Variants in POPDC1 observed in about 807,000 individuals in gnomAD.
POPDC1 encodes popeye domain-containing protein 1.
chr6:105,099,971 G>A, the POPDC1 span: 1 of 152,192 alleles, frequency 6.6e-6, no homozygotes, highest in African/African-American at 2.4e-5. Context: ...AGGAAGTTGA[G>A]TTTAGCTGGA....
At chr6:105,100,473 A>ACTG in the POPDC1 span, 1 of 151,444 alleles carries the variant, frequency 6.6e-6, no homozygotes, top group Admixed American at 6.6e-5. Context: ...ATGTGCCACT[A>ACTG]CACTCCAGCC....
the POPDC1 span, chr6:105,116,750 T>A: frequency 6.2e-7 from 1 of 1,610,904 alleles, no homozygotes; most frequent in Non-Finnish European, 8.5e-7. Flanking sequence ...ATTTGTGATG[T>A]CTTTTCCAAT....
the POPDC1 span, chr6:105,125,545 G>T: frequency 3.7e-6 from 6 of 1,613,800 alleles, no homozygotes; most frequent in Admixed American, 3.3e-5. Flanking sequence ...AACAATCGCC[G>T]GTACATGCCA....
chr6:105,125,379 C>T, the POPDC1 span: 2 of 1,613,552 alleles, frequency 1.2e-6, no homozygotes, highest in Admixed American at 1.7e-5. Flanking sequence ...TTGATTTCCA[C>T]AGAACACTTA....
At chr6:105,100,310 C>T in the POPDC1 span, 1 of 151,608 alleles carries the variant, frequency 6.6e-6, no homozygotes, top group African/African-American at 2.4e-5. Flanking sequence ...GAGATCGAGA[C>T]CATCCTGGCT....
the POPDC1 span, chr6:105,098,349 A>T: frequency 1.3e-5 from 2 of 152,360 alleles, no homozygotes; most frequent in African/African-American, 4.8e-5. Context: ...GTTTAAAAAT[A>T]GTCTCACGTT....
the POPDC1 span, chr6:105,116,729 G>T: frequency 1.2e-6 from 2 of 1,606,498 alleles, no homozygotes; most frequent in East Asian, 4.5e-5. Flanking sequence ...ATCATTCAAT[G>T]AGTAGAGCTT....
chr6:105,100,336 C>G, the POPDC1 span: 1 of 151,554 alleles, frequency 6.6e-6, no homozygotes, highest in Non-Finnish European at 1.5e-5. Flanking sequence ...AGTGAAACCC[C>G]ATCTCTACTA....
At chr6:105,132,183 CT>C in the POPDC1 span, among the ~76,000 whole-genome samples, 1 of 152,160 alleles carries the variant, frequency 6.6e-6, no homozygotes, top group Non-Finnish European at 1.5e-5. Context: ...CCAAGCTGGT[CT>C]CGAACTCCTG....
chr6:105,125,594 G>T, the POPDC1 span: 4 of 1,612,252 alleles, frequency 2.5e-6, no homozygotes, highest in South Asian at 3.3e-5. Flanking sequence ...ATGCAGCAAT[G>T]ACTAGATGCT....
chr6:105,101,694 A>T, the POPDC1 span, among the ~76,000 whole-genome samples: 2 of 152,184 alleles, frequency 1.3e-5, no homozygotes, highest in African/African-American at 4.8e-5. Context: ...CATGGAGTCC[A>T]GCCACCCACT....
chr6:105,124,733 T>A, the POPDC1 span: 1 of 1,056,890 alleles, frequency 9.5e-7, no homozygotes, highest in Non-Finnish European at 1.4e-6. Context: ...TATCATCTTA[T>A]GCGATTTTAT....
chr6:105,134,433 C>G, the POPDC1 span, among the ~76,000 whole-genome samples: 1 of 152,118 alleles, frequency 6.6e-6, no homozygotes, highest in Non-Finnish European at 1.5e-5. Context: ...AAAAAACACT[C>G]TATTATTAAT....
the POPDC1 span, among the ~76,000 whole-genome samples, chr6:105,124,258 T>C: frequency 6.6e-6 from 1 of 152,086 alleles, no homozygotes; most frequent in Admixed American, 6.6e-5. Context: ...GGCAGGCACC[T>C]GTAGTCCCAG....
the POPDC1 span, among the ~76,000 whole-genome samples, chr6:105,112,677 A>G: frequency 6.6e-6 from 1 of 152,216 alleles, no homozygotes; most frequent in Non-Finnish European, 1.5e-5. Context: ...AGGAGATGAC[A>G]GGTTTCCCCA....
the POPDC1 span, chr6:105,100,949 C>A: frequency 2.0e-6 from 2 of 983,000 alleles, no homozygotes; most frequent in Non-Finnish European, 2.9e-6. Context: ...CATCCTTGAC[C>A]CTTCCTCACT....
the POPDC1 span, chr6:105,101,170 C>A: frequency 1.2e-6 from 2 of 1,613,502 alleles, no homozygotes; most frequent in Non-Finnish European, 8.5e-7. Context: ...CTTCTTCTAT[C>A]GGTTTCATCT....
chr6:105,115,663 G>GT, the POPDC1 span: 7 of 1,613,418 alleles, frequency 4.3e-6, no homozygotes, highest in African/African-American at 9.3e-5. Context: ...CTCTGGAGTA[G>GT]TATCAGTTTT....
At chr6:105,117,877 C>A in the POPDC1 span, among the ~76,000 whole-genome samples, 1 of 152,100 alleles carries the variant, frequency 6.6e-6, no homozygotes, top group Non-Finnish European at 1.5e-5. Flanking sequence ...AAAACCCTGG[C>A]TCTATAAAAC....
Sources: allele counts gnomAD v4.1 joint callset (sites outside exome capture counted in the v4.1 genomes callset), GRCh38; gene constraint gnomAD v4.1.1; transcripts MANE v1.5; gene names NCBI Gene and HGNC (gene_info 2026-07-23, HGNC 2026-07-21).